Variants in ZNF280D observed in about 807,000 individuals in gnomAD.
The protein encoded by ZNF280D is zinc finger protein 280D.
In ZNF280D, 39 loss-of-function variants were observed where a neutral mutation model predicts 94.7. The observed-to-expected ratio is 0.41, with a 90% CI of 0.32 to 0.54. The LOEUF (loss-of-function observed/expected upper bound fraction) is 0.54. Ranked by LOEUF, ZNF280D falls within the 20% of genes least tolerant of loss-of-function variation. ZNF280D has a pLI of 0.22. For missense variants in ZNF280D, 1,090 were observed against 1,149.3 expected, an observed-to-expected ratio of 0.95 and a Z score of 0.75; for synonymous variants, 398 against 377.6, an observed-to-expected ratio of 1.05 and a Z score of -0.63.
At chr15:56,652,521 G>C (rs1327035196) in intron 19 of ZNF280D, 1 of 513,046 alleles carries the variant, frequency 1.9e-6, no homozygotes, top group African/African-American at 2.1e-5. Context: ...AAGGATAATA[G>C]TATAAAAAGT....
rs561685658 is a variant in ZNF280D at position 56,729,166 on chromosome 15, T to G, written c.-86+4292A>C. Among the ~76,000 whole-genome samples, 4 of 152,304 alleles carry G rather than the reference T, an allele frequency of 2.6e-5. No individual in the cohort carries two copies. In the South Asian group the frequency reaches 8.3e-4, roughly 32 times the overall value. On this transcript the variant is annotated intron_variant, in intron 1 of 21. Coordinates refer to ENST00000267807, the MANE Select transcript of ZNF280D (RefSeq NM_017661.4). ...ATATGATAAGCTTGGACAATGCAGA[T>G]CTACACAGAGATTGGGAAAAGGCAT...
At chr15:56,706,487 T>G (rs2057410580) in intron 3 of ZNF280D, among the ~76,000 whole-genome samples, 1 of 151,184 alleles carries the variant, frequency 6.6e-6, no homozygotes, top group Non-Finnish European at 1.5e-5. Context: ...CAAAACAAAC[T>G]AACAAACAAA....
intron 16 of ZNF280D, among the ~76,000 whole-genome samples, chr15:56,660,017 C>G (rs1254550235): frequency 4.6e-5 from 7 of 152,052 alleles, no homozygotes; most frequent in Non-Finnish European, 7.4e-5. Flanking sequence ...AAAATATCCT[C>G]AGATTTCTAA....
At chr15:56,640,090 T>C (rs1011559532) in intron 20 of ZNF280D, among the ~76,000 whole-genome samples, 3 of 152,094 alleles carry the variant, frequency 2.0e-5, no homozygotes, top group Non-Finnish European at 2.9e-5. Context: ...AAAAGATACA[T>C]ATTTTTAACT....
intron 7 of ZNF280D, among the ~76,000 whole-genome samples, chr15:56,691,615 A>T (rs1031020713): frequency 6.6e-6 from 1 of 152,106 alleles, no homozygotes; most frequent in Non-Finnish European, 1.5e-5. Flanking sequence ...TGCTGGTAAA[A>T]ATCCTATTCT....
At chr15:56,634,415 T>C (rs1176446568) in intron 21 of ZNF280D, among the ~76,000 whole-genome samples, 1 of 152,176 alleles carries the variant, frequency 6.6e-6, no homozygotes, top group Non-Finnish European at 1.5e-5. Context: ...AACTCCTTAG[T>C]TGATTTTTTG....
At position 56,694,792 on chromosome 15, in the gene ZNF280D, A is replaced by T. The variant is rs958885514; in HGVS notation, c.382-1577T>A. Among the ~76,000 whole-genome samples the T allele has an allele frequency of 1.4e-4, 21 of 152,186 alleles. 1 individual carries two copies. The highest frequency in any genetic ancestry group is 6.3e-3 in the Middle Eastern group (2 of 316). ...CTGAATAGGATACTGGGCAGGAAAA[A>T]GAACATTAATGGGAAAACTGATGAA... On this transcript the variant is annotated intron_variant, in intron 6 of 21. Coordinates refer to ENST00000267807, the MANE Select transcript of ZNF280D (RefSeq NM_017661.4).
intron 6 of ZNF280D, chr15:56,698,059 T>C (rs905351986): frequency 1.3e-5 from 2 of 152,210 alleles, no homozygotes; most frequent in African/African-American, 4.8e-5. Context: ...TAACTGTGGA[T>C]ATACTACTTT....
At chr15:56,658,051 AG>A (rs1458887542) in intron 17 of ZNF280D, among the ~76,000 whole-genome samples, 1 of 152,328 alleles carries the variant, frequency 6.6e-6, no homozygotes, top group African/African-American at 2.4e-5. Flanking sequence ...GCTACAACAT[AG>A]ATGAATTTTG....
chr15:56,637,923 T>C (rs955268240), intron 20 of ZNF280D, among the ~76,000 whole-genome samples: 12 of 152,180 alleles, frequency 7.9e-5, no homozygotes, highest in Non-Finnish European at 1.8e-4. Flanking sequence ...AAAGAAAGTA[T>C]GCATAAGTCA....
Position 56,677,098 on chromosome 15 carries a change from A to C in ZNF280D, c.1264-282T>G, listed in dbSNP as rs796609286. Among the ~76,000 whole-genome samples the C allele has an allele frequency of 9.9e-5, 15 of 152,262 alleles. 1 individual carries two copies. Among genetic ancestry groups the C allele is most frequent in the African/African-American group, 3.6e-4 (15 of 41,554 alleles). On this transcript the variant is annotated intron_variant, in intron 12 of 21. Transcript: ENST00000267807. ...ACCTTCTGTCTTGACTTGAAGTTTC[A>C]AGCTTTAGCACCTCTTGCTCTATAA...
intron 16 of ZNF280D, 94 bp from the exon 17 acceptor site, chr15:56,658,580 TG>T: frequency 1.2e-6 from 1 of 842,904 alleles, no homozygotes; most frequent in Non-Finnish European, 1.8e-6. Flanking sequence ...GTTTCTAGTT[TG>T]TAATAAAAGA....
intron 13 of ZNF280D, among the ~76,000 whole-genome samples, chr15:56,671,963 A>ATGATT (rs1365902845): frequency 6.6e-6 from 1 of 151,966 alleles, no homozygotes; most frequent in Non-Finnish European, 1.5e-5. Context: ...GAGTTCATTC[A>ATGATT]TGATTTGGTT....
chr15:56,679,658 C>CA (rs1318313764), intron 10 of ZNF280D, among the ~76,000 whole-genome samples: 3 of 152,088 alleles, frequency 2.0e-5, no homozygotes, highest in Non-Finnish European at 4.4e-5. Flanking sequence ...AGTTATTCAA[C>CA]AAAAACAATA....
chr15:56,642,852 GTTGATGTAT>G (rs1402750658), intron 20 of ZNF280D, 91 bp downstream of exon 20: 2 of 644,892 alleles, frequency 3.1e-6, no homozygotes, highest in Non-Finnish European at 4.8e-6. Flanking sequence ...CCCAAATATT[GTTGATGTAT>G]GCATGCTGAA....
intron 10 of ZNF280D, 109 bp downstream of exon 10, chr15:56,682,145 T>C: frequency 1.3e-6 from 1 of 742,602 alleles, no homozygotes; most frequent in East Asian, 3.0e-5. Flanking sequence ...CAGTAGAAAG[T>C]GTTAAAATCA....
At chr15:56,701,114 A>C in intron 5 of ZNF280D, 42 bp from the exon 6 acceptor site, 1 of 1,611,836 alleles carries the variant, frequency 6.2e-7, no homozygotes, top group South Asian at 1.1e-5. Context: ...TTATTTGTAC[A>C]TAATCAATTT....
At chr15:56,670,488 A>G (rs2054788199) in intron 13 of ZNF280D, among the ~76,000 whole-genome samples, 1 of 152,030 alleles carries the variant, frequency 6.6e-6, no homozygotes, top group Admixed American at 6.6e-5. Flanking sequence ...AATGGCCTCC[A>G]GCTCCATCCA....
intron 6 of ZNF280D, chr15:56,698,964 C>A (rs2056904295): frequency 6.6e-6 from 1 of 152,116 alleles, no homozygotes; most frequent in Non-Finnish European, 1.5e-5. Context: ...CTTGTGAGAT[C>A]CTTAAGCAGA....
Sources: allele counts gnomAD v4.1 joint callset (sites outside exome capture counted in the v4.1 genomes callset), GRCh38; gene constraint gnomAD v4.1.1; transcripts MANE v1.5; gene names NCBI Gene and HGNC (gene_info 2026-07-23, HGNC 2026-07-21).